PLEKHS1: variants seen among roughly 807,000 people sequenced by gnomAD.
PLEKHS1 encodes pleckstrin homology domain containing S1.
PLEKHS1 carries 55 observed loss-of-function variants against 51.0 expected under a neutral mutation model. The observed-to-expected ratio is 1.08, with a 90% CI of 0.87 to 1.35. The LOEUF (loss-of-function observed/expected upper bound fraction) is 1.35. Ranked by LOEUF, PLEKHS1 falls within the 40% of genes most tolerant of loss-of-function variation. The pLI, the probability that PLEKHS1 is intolerant of heterozygous loss-of-function variation, is 0.00. For synonymous variants in PLEKHS1, 153 were observed against 144.8 expected, an observed-to-expected ratio of 1.06 and a Z score of -0.41; for missense variants, 398 against 423.0, an observed-to-expected ratio of 0.94 and a Z score of 0.52.
chr10:113,763,157 C>T (rs1488726628), intron 2 of PLEKHS1, among the ~76,000 whole-genome samples: 5 of 151,926 alleles, frequency 3.3e-5, no homozygotes, highest in Non-Finnish European at 7.4e-5. Flanking sequence ...TTTTTATGTC[C>T]TCTTAGGATT....
chr10:113,767,288 T>C (rs1046703692), intron 4 of PLEKHS1, 57 bp from the exon 5 acceptor site: 3 of 1,272,580 alleles, frequency 2.4e-6, no homozygotes, highest in African/African-American at 1.5e-5. Flanking sequence ...ATATAAAATA[T>C]TAGTTTTCTA....
intron 2 of PLEKHS1, among the ~76,000 whole-genome samples, chr10:113,760,917 TC>T (rs1279610693): frequency 6.6e-6 from 1 of 152,220 alleles, no homozygotes; most frequent in Non-Finnish European, 1.5e-5. Flanking sequence ...ACCTATGTTT[TC>T]TACTAAAAGT....
intron 7 of PLEKHS1, among the ~76,000 whole-genome samples, chr10:113,771,547 C>T (rs761630736): frequency 1.1e-4 from 16 of 151,868 alleles, no homozygotes; most frequent in South Asian, 2.1e-4. Flanking sequence ...TGGTGATGCG[C>T]GCCTGTATTC....
chr10:113,766,078 G>A (rs892629360), intron 2 of PLEKHS1, among the ~76,000 whole-genome samples: 1 of 152,196 alleles, frequency 6.6e-6, no homozygotes, highest in Non-Finnish European at 1.5e-5. Flanking sequence ...CTAAGCCAAA[G>A]GGCAATGCAG....
chr10:113,757,452 AGTGT>A (rs910649076), intron 2 of PLEKHS1, among the ~76,000 whole-genome samples: 6 of 152,238 alleles, frequency 3.9e-5, no homozygotes, highest in Non-Finnish European at 7.3e-5. Context: ...ACTGTAGTCG[AGTGT>A]GTAATAGCAT....
chr10:113,765,027 T>A lies in PLEKHS1; in HGVS notation c.29-1384T>A, dbSNP rs1844098057. On this transcript the variant is annotated intron_variant, in intron 2 of 11. Coordinates refer to ENST00000361048, the Ensembl canonical transcript of PLEKHS1. Reference sequence around the variant, plus strand: ...ATTACTTTCTCTGCCAATTCTAACATCTGTGTCAGTTCTAGGCCTGTTTTG... The same window carrying A: ...ATTACTTTCTCTGCCAATTCTAACAACTGTGTCAGTTCTAGGCCTGTTTTG... 1.5e-5 allele frequency: 3 copies of A among 199,150 alleles called. No individual in the cohort carries two copies. In the South Asian group the frequency reaches 5.3e-4, roughly 35 times the overall value. 12.3% of individuals were successfully genotyped at this position (199,150 alleles called of 1,614,324 possible). A position where few individuals can be genotyped will look rare whatever the true frequency, so the allele number is the denominator to read the frequency against.
exon 11 of PLEKHS1, chr10:113,775,863 T>C: frequency 6.2e-7 from 1 of 1,602,398 alleles, no homozygotes; most frequent in Non-Finnish European, 8.5e-7. Context: ...ACAGGACGGA[T>C]ATGGTAGGTT....
chr10:113,758,768 A>G (rs75875943), intron 2 of PLEKHS1, among the ~76,000 whole-genome samples: 5 of 152,216 alleles, frequency 3.3e-5, no homozygotes, highest in Non-Finnish European at 5.9e-5. Context: ...AGCAATCAGA[A>G]CACACACAAC....
In PLEKHS1 at chr10:113,780,574, T is replaced by A. The variant is rs145063460; in HGVS notation, c.*-28T>A. On this transcript the variant is annotated intron_variant, in intron 11 of 11. Coordinates refer to ENST00000361048, the Ensembl canonical transcript of PLEKHS1. ...CAATCTTAAAGATAATCTTTAGCCA[T>A]TTAACTTTCTTCTTTCTTGTGTTTT... 3.8e-6 allele frequency: 6 copies of A among 1,595,194 alleles called. No homozygotes were observed. The Admixed American group carries it at 8.3e-5, about 22-fold the overall frequency.
intron 2 of PLEKHS1, among the ~76,000 whole-genome samples, chr10:113,762,365 C>CTTTTTTTTTCTT (rs1843971870): frequency 1.6e-5 from 1 of 61,770 alleles, no homozygotes; most frequent in Non-Finnish European, 3.0e-5. Flanking sequence ...AGATTTGTTC[C>CTTTTTTTTTCTT]TTTTTTTTTT....
chr10:113,775,827 T>C (rs1200951538), exon 11 of PLEKHS1: 1 of 1,613,102 alleles, frequency 6.2e-7, no homozygotes, highest in Non-Finnish European at 8.5e-7. Context: ...CCTGATGTCA[T>C]CAACTATCTT....
exon 5 of PLEKHS1, chr10:113,767,373 A>G (rs779389095): frequency 1.6e-5 from 25 of 1,609,850 alleles, no homozygotes; most frequent in Admixed American, 5.1e-5. Flanking sequence ...TGGCATAAGT[A>G]GCCAGGAAAA....
chr10:113,754,113 A>G (rs1853983626), intron 1 of PLEKHS1, among the ~76,000 whole-genome samples: 2 of 152,056 alleles, frequency 1.3e-5, no homozygotes, highest in Non-Finnish European at 2.9e-5. Context: ...CAGCCTGAAT[A>G]TATGTATTTT....
At chr10:113,763,979 A>G (rs1186886183) in intron 2 of PLEKHS1, among the ~76,000 whole-genome samples, 1 of 152,226 alleles carries the variant, frequency 6.6e-6, no homozygotes, top group African/African-American at 2.4e-5. Flanking sequence ...CCTAATGATG[A>G]ATTATTTCAG....
chr10:113,780,029 G>A (rs1564830523), intron 11 of PLEKHS1, among the ~76,000 whole-genome samples: 2 of 152,020 alleles, frequency 1.3e-5, no homozygotes, highest in Non-Finnish European at 2.9e-5. Context: ...GGAACCAAAG[G>A]AAGAACAGCC....
At chr10:113,777,181 T>A in intron 11 of PLEKHS1, 1 of 1,612,838 alleles carries the variant, frequency 6.2e-7, no homozygotes, top group Non-Finnish European at 8.5e-7. Flanking sequence ...ACGGAGATCA[T>A]CTTCTGGCAG....
chr10:113,774,233 AATATC>A lies in PLEKHS1; in HGVS notation c.682_686del (p.Ile228CysfsTer4). 1 of 1,591,090 alleles carries A rather than the reference AATATC, an allele frequency of 6.3e-7. No homozygotes were observed. The highest frequency in any genetic ancestry group is 8.6e-7 in the Non-Finnish European group (1 of 1,167,196). On this transcript the variant is annotated frameshift_variant, in exon 9 of 12. Transcript: ENST00000361048. LOFTEE classifies it high-confidence loss of function. ...CTATTCCTTTTATCTGCAGTTGGATAATATCATTGCTTCCAGTGATTCTGGTGAAT... is the reference window on the plus strand; with the variant it reads ...CTATTCCTTTTATCTGCAGTTGGATAATTGCTTCCAGTGATTCTGGTGAAT...
exon 10 of PLEKHS1, chr10:113,774,876 C>T (rs1844575699): frequency 1.2e-6 from 2 of 1,613,890 alleles, no homozygotes; most frequent in Admixed American, 1.7e-5. Context: ...AAAGAGGAAC[C>T]CCAGACCCTT....
At chr10:113,772,205 A>C in intron 8 of PLEKHS1, 116 bp downstream of exon 8, 2 of 1,112,060 alleles carry the variant, frequency 1.8e-6, no homozygotes. Context: ...GAAGTAAATC[A>C]AATACAGATG....
Sources: allele counts gnomAD v4.1 joint callset (sites outside exome capture counted in the v4.1 genomes callset), GRCh38; gene constraint gnomAD v4.1.1; transcripts MANE v1.5; gene names NCBI Gene and HGNC (gene_info 2026-07-23, HGNC 2026-07-21).